The following FBXO47 variants were observed in gnomAD, a reference collection of about 807,000 sequenced individuals.
FBXO47 encodes F-box only protein 47.
Under a neutral mutation model 53.9 loss-of-function variants are expected in FBXO47, and 34 were observed. The observed-to-expected ratio is 0.63, with a 90% CI of 0.48 to 0.84. The LOEUF (loss-of-function observed/expected upper bound fraction) is 0.84. FBXO47 is among the 40% of genes least tolerant of loss of function. The pLI, the probability that FBXO47 is intolerant of heterozygous loss-of-function variation, is 0.00. For synonymous variants in FBXO47, 165 were observed against 181.6 expected (o/e 0.91, Z 0.73); for missense variants, 485 against 541.3 (o/e 0.90, Z 1.03).
At chr17:38,939,857 C>T (rs976137775) in intron 9 of FBXO47, among the ~76,000 whole-genome samples, 20 of 150,022 alleles carry the variant, frequency 1.3e-4, no homozygotes, top group Non-Finnish European at 2.5e-4. Flanking sequence ...TTAGTAGAGA[C>T]GGGGTTTCAC....
intron 4 of FBXO47, 64 bp downstream of exon 4, chr17:38,957,113 G>T: frequency 2.7e-6 from 3 of 1,091,792 alleles, no homozygotes; most frequent in South Asian, 2.7e-5. Flanking sequence ...ATGAGCATAA[G>T]ATAATAATAA....
chr17:38,943,957 C>T (rs1345484217), intron 7 of FBXO47, among the ~76,000 whole-genome samples: 9 of 151,876 alleles, frequency 5.9e-5, no homozygotes, highest in African/African-American at 1.7e-4. Context: ...TTTAGGAGGC[C>T]GAGGTAGGAG....
At chr17:38,951,240 GGTTGA>G (rs759968787) in intron 6 of FBXO47, among the ~76,000 whole-genome samples, 1 of 151,632 alleles carries the variant, frequency 6.6e-6, no homozygotes, top group Non-Finnish European at 1.5e-5. Context: ...CTGTTGCTCA[GGTTGA>G]GTGTGGTGGT....
intron 9 of FBXO47, 132 bp from the exon 10 acceptor site, chr17:38,938,864 C>G (rs1292831283): frequency 1.5e-6 from 1 of 673,644 alleles, no homozygotes; most frequent in African/African-American, 1.8e-5. Flanking sequence ...CATACTGAGT[C>G]TATACATGGG....
At chr17:38,964,978 T>A (rs1401851615) in intron 1 of FBXO47, among the ~76,000 whole-genome samples, 1 of 151,776 alleles carries the variant, frequency 6.6e-6, no homozygotes, top group Admixed American at 6.6e-5. Flanking sequence ...CCACCACTAG[T>A]AGCTGGGATT....
rs139171850 is a variant in FBXO47, at chr17:38,949,067, T to C, written c.616+2514A>G. On this transcript the variant is annotated intron_variant, in intron 6 of 10. Coordinates refer to ENST00000378079, the MANE Select transcript of FBXO47 (RefSeq NM_001008777.3). ...TACATTTTGTTTATCTATTGACCCA[T>C]TGATGGACATCTGAGTTGTTTCCAT... is the stretch of plus-strand genomic sequence containing the variant. Among the ~76,000 whole-genome samples the C allele has an allele frequency of 2.1e-3, 323 of 152,262 alleles. 1 individual carries two copies. The highest frequency in any genetic ancestry group is 7.6e-3 in the African/African-American group (316 of 41,554).
At chr17:38,948,778 A>C (rs557300421) in intron 6 of FBXO47, among the ~76,000 whole-genome samples, 2 of 152,074 alleles carry the variant, frequency 1.3e-5, no homozygotes, top group South Asian at 4.2e-4. Context: ...ATTATACTTT[A>C]AGTTCTGGGA....
At chr17:38,952,982 A>G (rs2143939682) in intron 5 of FBXO47, among the ~76,000 whole-genome samples, 1 of 151,668 alleles carries the variant, frequency 6.6e-6, no homozygotes, top group East Asian at 1.9e-4. Context: ...TGAACAAACA[A>G]AACACTTTCA....
At chr17:38,942,243 C>T (rs1442828756) in intron 9 of FBXO47, among the ~76,000 whole-genome samples, 1 of 151,878 alleles carries the variant, frequency 6.6e-6, no homozygotes, top group Non-Finnish European at 1.5e-5. Context: ...AAAATCCAGA[C>T]TTGAAGTGGG....
chr17:38,937,308 TG>T lies in FBXO47; in HGVS notation c.1244-19del. 9.4e-7 allele frequency: 1 copy of T among 1,065,998 alleles called. No individual in the cohort carries two copies. The highest frequency in any genetic ancestry group is 1.4e-6 in the Non-Finnish European group (1 of 724,188). The allele number at this position is 1,065,998 out of a possible 1,614,324, so 66.0% of individuals were successfully genotyped here. On this transcript the variant is annotated intron_variant, in intron 10 of 10. Coordinates refer to ENST00000378079, the MANE Select transcript of FBXO47 (RefSeq NM_001008777.3). ...ACGGTCTCCTATATGCCATACATAG[TG>T]GGGAAAAGAAAATGACAGTTAAAAT...
intron 6 of FBXO47, among the ~76,000 whole-genome samples, 200 bp downstream of exon 6, chr17:38,951,381 A>G (rs970469889): frequency 6.6e-6 from 1 of 151,564 alleles, no homozygotes; most frequent in African/African-American, 2.4e-5. Flanking sequence ...TTTTGTAGAG[A>G]CAAGGTCTCG....
rs759139972 is a variant in FBXO47 at position 38,943,710 on chromosome 17, C to T, written c.820G>A (p.Glu274Lys). ...AGACTGAATTCATCTGTAGGTTCTTCTATCATTTCCTGCCAAACCACCTGT... is the reference window on the plus strand; with the variant it reads ...AGACTGAATTCATCTGTAGGTTCTTTTATCATTTCCTGCCAAACCACCTGT... ...DGQVVWQEMI[E>K]EPTDEFSLKG... Residue 274 changes from glutamate (E) to lysine (K), a missense_variant, in exon 8 of 11, where the codon GAA (glutamate) becomes AAA (lysine). Glu to Lys is a moderately conservative substitution (Grantham distance 56, BLOSUM62 1). Coordinates refer to ENST00000378079, the MANE Select transcript of FBXO47 (RefSeq NM_001008777.3). 2 of 1,608,124 alleles carry T rather than the reference C, an allele frequency of 1.2e-6. No individual in the cohort carries two copies. Among genetic ancestry groups the T allele is most frequent in the East Asian group, 2.2e-5 (1 of 44,732 alleles).
At chr17:38,955,986 A>T (rs962414226) in intron 4 of FBXO47, among the ~76,000 whole-genome samples, 4 of 144,736 alleles carry the variant, frequency 2.8e-5, no homozygotes, top group Non-Finnish European at 6.0e-5. Context: ...AAAAAAAAAA[A>T]TTAGCCGAGT....
At chr17:38,956,523 G>A (rs1468622281) in intron 4 of FBXO47, among the ~76,000 whole-genome samples, 1 of 151,816 alleles carries the variant, frequency 6.6e-6, no homozygotes. Context: ...AGGAGGTGGA[G>A]GTTGCAGTGA....
intron 3 of FBXO47, among the ~76,000 whole-genome samples, chr17:38,957,738 G>A (rs951565936): frequency 7.0e-6 from 1 of 142,512 alleles, no homozygotes; most frequent in Non-Finnish European, 1.5e-5. Context: ...TTACTCTGTC[G>A]CCCAGGCTGA....
intron 10 of FBXO47, 56 bp downstream of exon 10, chr17:38,938,517 T>C: frequency 7.8e-7 from 1 of 1,282,648 alleles, no homozygotes; most frequent in Non-Finnish European, 1.1e-6. Flanking sequence ...CTGTTTTAGG[T>C]GGAGACTAGA....
intron 1 of FBXO47, 63 bp downstream of exon 1, chr17:38,967,166 C>T (rs1285253905): frequency 2.6e-5 from 4 of 152,080 alleles, no homozygotes; most frequent in Admixed American, 6.6e-5. Context: ...TGTTTCGCTC[C>T]CTTCAGTCCA....
chr17:38,945,260 A>G (rs1904702904), intron 6 of FBXO47, 124 bp from the exon 7 acceptor site: 5 of 645,716 alleles, frequency 7.7e-6, no homozygotes, highest in Non-Finnish European at 1.3e-5. Flanking sequence ...CTAAACAGGA[A>G]GTAACCAAGA....
intron 9 of FBXO47, 72 bp from the exon 10 acceptor site, chr17:38,938,804 T>C (rs1450316807): frequency 8.3e-7 from 1 of 1,199,936 alleles, no homozygotes; most frequent in African/African-American, 1.5e-5. Context: ...TGGTGAACAA[T>C]GATGAATAAT....
Sources: allele counts gnomAD v4.1 joint callset (sites outside exome capture counted in the v4.1 genomes callset), GRCh38; gene constraint gnomAD v4.1.1; transcripts MANE v1.5; gene names NCBI Gene and HGNC (gene_info 2026-07-23, HGNC 2026-07-21).